The following TUSC3 variants were observed in gnomAD, a reference collection of about 807,000 sequenced individuals.
TUSC3 encodes dolichyl-diphosphooligosaccharide--protein glycosyltransferase subunit TUSC3.
In TUSC3, 45 loss-of-function variants were observed where a neutral mutation model predicts 44.8. The ratio of observed to expected loss-of-function variants is 1.00; its 90% CI spans 0.79 to 1.29. TUSC3 has a LOEUF of 1.29. Among genes scored for constraint, TUSC3 ranks in the 50% most tolerant of loss-of-function variants. The pLI, the probability that TUSC3 is intolerant of heterozygous loss-of-function variation, is 0.00. For missense variants in TUSC3, 519 were observed against 437.9 expected (o/e 1.19, Z -1.65); for synonymous variants, 212 against 152.9 (o/e 1.39, Z -2.85).
chr8:15,550,674 T>G (rs947704052), intron 1 of TUSC3, among the ~76,000 whole-genome samples: 14 of 151,364 alleles, frequency 9.2e-5, no homozygotes, highest in Admixed American at 8.6e-4. Flanking sequence ...ATTAGTTAGT[T>G]AATTATTTTT....
At chr8:15,750,545 T>G (rs912432322) in intron 9 of TUSC3, among the ~76,000 whole-genome samples, 14 of 152,112 alleles carry the variant, frequency 9.2e-5, no homozygotes, top group Admixed American at 9.2e-4. Context: ...TTTTTTCAAG[T>G]AGTAGTTGTC....
intron 9 of TUSC3, among the ~76,000 whole-genome samples, chr8:15,757,407 C>T (rs574718945): frequency 1.3e-5 from 2 of 152,216 alleles, no homozygotes; most frequent in Admixed American, 1.3e-4. Flanking sequence ...ACAAGTACAG[C>T]AAGGCAAAAA....
At chr8:15,837,650 T>A in the TUSC3 span, among the ~76,000 whole-genome samples, 298 of 152,276 alleles carry the variant, frequency 2.0e-3, 1 homozygote, top group African/African-American at 6.5e-3. Flanking sequence ...TCTTTTTCTG[T>A]TGTCTTGTTA....
intron 6 of TUSC3, among the ~76,000 whole-genome samples, chr8:15,711,424 A>T (rs1809846219): frequency 6.6e-6 from 1 of 150,618 alleles, no homozygotes; most frequent in Non-Finnish European, 1.5e-5. Flanking sequence ...AACTTATCTC[A>T]GAAAAGAGGT....
At chr8:15,465,898 A>G (rs776853585) in intron 1 of TUSC3, among the ~76,000 whole-genome samples, 10 of 152,152 alleles carry the variant, frequency 6.6e-5, no homozygotes, top group Admixed American at 3.9e-4. Context: ...TTCTGTCACA[A>G]TCAACTTAGC....
Position 15,484,453 on chromosome 8 carries a change from G to A in TUSC3, n.189+970G>A, listed in dbSNP as rs190988572. The stretch of plus-strand genomic sequence containing the variant: ...ATAAACGCTTTTGTTTTCTTTACAT[G>A]TGCCAGCACAGTGTAGGACATAGAG... On this transcript the variant is annotated intron_variant and non_coding_transcript_variant, in intron 2 of 5. Transcript: ENST00000503191. Among the ~76,000 whole-genome samples the A allele has an allele frequency of 3.9e-5, 6 of 152,284 alleles. No individual in the cohort carries two copies. The South Asian group carries it at 1.0e-3, about 26-fold the overall frequency.
At chr8:15,750,349 A>G (rs1303946133) in intron 9 of TUSC3, among the ~76,000 whole-genome samples, 1 of 152,106 alleles carries the variant, frequency 6.6e-6, no homozygotes, top group African/African-American at 2.4e-5. Context: ...CTTTCCTTGT[A>G]TATCAGAGCA....
intron 2 of TUSC3, among the ~76,000 whole-genome samples, chr8:15,490,370 C>A (rs1027598060): frequency 4.6e-5 from 7 of 152,084 alleles, no homozygotes; most frequent in African/African-American, 1.7e-4. Flanking sequence ...TTGCTCAAGA[C>A]GGAGGAGGAG....
At chr8:15,696,280 T>C (rs1809160741) in intron 6 of TUSC3, among the ~76,000 whole-genome samples, 1 of 152,090 alleles carries the variant, frequency 6.6e-6, no homozygotes, top group Admixed American at 6.5e-5. Context: ...AAGGTACAGC[T>C]CGGGATGTGG....
In TUSC3 at chr8:15,590,059, A is replaced by G. The variant is rs547172414; in HGVS notation, c.139-33021A>G. Among the ~76,000 whole-genome samples the G allele has an allele frequency of 8.5e-5, 13 of 152,302 alleles. No individual in the cohort carries two copies. The East Asian group carries it at 1.5e-3, about 18-fold the overall frequency. On this transcript the variant is annotated intron_variant, in intron 1 of 10. Coordinates refer to ENST00000503731, the MANE Select transcript of TUSC3 (RefSeq NM_006765.4). Reference sequence around the variant, plus strand: ...TTTGGAGTTAGGCCCCACTCTATTAATATTCTGTTAAAAGCATCTGACTTA... The same window carrying G: ...TTTGGAGTTAGGCCCCACTCTATTAGTATTCTGTTAAAAGCATCTGACTTA...
chr8:15,424,035 T>G (rs551949546), intron 1 of TUSC3, among the ~76,000 whole-genome samples: 11 of 131,984 alleles, frequency 8.3e-5, no homozygotes, highest in South Asian at 2.6e-4. Context: ...TTGTTGCCCA[T>G]GCTGGAGTGC....
chr8:15,421,094 A>T (rs369789140), intron 1 of TUSC3, among the ~76,000 whole-genome samples: 10 of 152,176 alleles, frequency 6.6e-5, no homozygotes, highest in African/African-American at 2.4e-4. Context: ...TGTCCAAATT[A>T]ATACATCCAA....
chr8:15,848,133 G>A, the TUSC3 span, among the ~76,000 whole-genome samples: 2,040 of 151,532 alleles, frequency 0.013, 41 homozygotes, highest in African/African-American at 0.046. Flanking sequence ...CCTTCCCCCC[G>A]AGTGAAGTAA....
At chr8:15,839,871 TAC>T in the TUSC3 span, among the ~76,000 whole-genome samples, 1 of 152,192 alleles carries the variant, frequency 6.6e-6, no homozygotes, top group Admixed American at 6.5e-5. Context: ...GCCATCCCAT[TAC>T]TGGGTATATA....
intron 2 of TUSC3, among the ~76,000 whole-genome samples, chr8:15,486,097 C>G (rs1327113830): frequency 6.6e-6 from 1 of 152,164 alleles, no homozygotes; most frequent in African/African-American, 2.4e-5. Flanking sequence ...CCAGCTTACT[C>G]TGTTGTCTTT....
At chr8:15,478,663 T>C (rs1458504140) in intron 1 of TUSC3, among the ~76,000 whole-genome samples, 2 of 152,238 alleles carry the variant, frequency 1.3e-5, no homozygotes, top group Non-Finnish European at 2.9e-5. Flanking sequence ...TACCACATTT[T>C]CTTTATCCAG....
chr8:15,481,109 G>A (rs1345132345), intron 1 of TUSC3, among the ~76,000 whole-genome samples: 2 of 152,008 alleles, frequency 1.3e-5, no homozygotes. Context: ...ATATCCCAGT[G>A]TGGTGGTGCA....
At chr8:15,762,868 T>A (rs1812213700) in intron 10 of TUSC3, among the ~76,000 whole-genome samples, 1 of 149,954 alleles carries the variant, frequency 6.7e-6, no homozygotes, top group Admixed American at 6.7e-5. Flanking sequence ...GAACAGCAAC[T>A]ACAGCTTAAG....
chr8:15,531,925 G>C (rs917963100), intron 2 of TUSC3, among the ~76,000 whole-genome samples: 1 of 152,150 alleles, frequency 6.6e-6, no homozygotes, highest in Non-Finnish European at 1.5e-5. Context: ...GAAAGAAACT[G>C]TCATGAAATT....
Sources: allele counts gnomAD v4.1 joint callset (sites outside exome capture counted in the v4.1 genomes callset), GRCh38; gene constraint gnomAD v4.1.1; transcripts MANE v1.5; gene names NCBI Gene and HGNC (gene_info 2026-07-23, HGNC 2026-07-21).